The following SMG7 variants were observed in gnomAD, a reference collection of about 807,000 sequenced individuals.
The protein encoded by SMG7 is nonsense-mediated mRNA decay factor SMG7.
In SMG7, 34 loss-of-function variants were observed where a neutral mutation model predicts 148.2. That is an observed-to-expected ratio of 0.23 (90% CI 0.17 to 0.31). The LOEUF is 0.31. Among genes scored for constraint, SMG7 ranks in the 10% least tolerant of loss-of-function variants. The pLI, the probability that SMG7 is intolerant of heterozygous loss-of-function variation, is 1.00. For missense variants in SMG7, 1,114 were observed against 1,408.4 expected, an observed-to-expected ratio of 0.79 and a Z score of 3.35; for synonymous variants, 492 against 515.1, an observed-to-expected ratio of 0.96 and a Z score of 0.61.
intron 1 of SMG7, among the ~76,000 whole-genome samples, chr1:183,494,756 CTTTTTTTTTTTTTTTT>C (rs141159130): frequency 6.5e-5 from 1 of 15,278 alleles, no homozygotes; most frequent in Admixed American, 1.1e-3. Flanking sequence ...AGCCCTTGTT[CTTTTTTTTTTTTTTTT>C]TTTTTTTTTT....
chr1:183,553,342 T>C lies in SMG7; in HGVS notation c.*1411T>C, dbSNP rs1671352947. 2 of 920,062 alleles carry C rather than the reference T, an allele frequency of 2.2e-6. No individual in the cohort carries two copies. The highest frequency in any genetic ancestry group is 5.6e-5 in the Admixed American group (2 of 35,960). 57.0% of individuals were successfully genotyped at this position (920,062 alleles called of 1,614,324 possible). ...TTATGGAAACAATCTAATTGTTCAATTGCTGTGCTAGTGGTAGGGTTTATT... is the reference window on the plus strand; with the variant it reads ...TTATGGAAACAATCTAATTGTTCAACTGCTGTGCTAGTGGTAGGGTTTATT... On this transcript the variant is annotated 3_prime_UTR_variant, in exon 23 of 23. Coordinates refer to ENST00000688051, the MANE Select transcript of SMG7 (RefSeq NM_001375584.1).
chr1:183,551,697 T>C, intron 22 of SMG7, 121 bp from the exon 23 acceptor site: 1 of 583,106 alleles, frequency 1.7e-6, no homozygotes, highest in Non-Finnish European at 2.8e-6. Context: ...TGGATTTTTA[T>C]GGGGAGTGGG....
rs1671400069 is a variant in SMG7, at chr1:183,553,608, G to GCGCC, written c.*1678_*1679insGCCC. The GCGCC allele has an allele frequency of 7.8e-6, 1 of 128,298 alleles. No individual in the cohort carries two copies. Among genetic ancestry groups the GCGCC allele is most frequent in the African/African-American group, 2.7e-5 (1 of 36,670 alleles). The allele number at this position is 128,298 out of a possible 1,614,324, so 7.9% of individuals were successfully genotyped here. ...TTGCTCTTCAGAGAGAGTGGTTGGA[G>GCGCC]CCCCCCCCGCCCCGTATGCTTACAT... On this transcript the variant is annotated 3_prime_UTR_variant, in exon 23 of 23. Coordinates refer to ENST00000688051, the MANE Select transcript of SMG7 (RefSeq NM_001375584.1).
At chr1:183,510,112 T>C (rs995872102) in intron 1 of SMG7, among the ~76,000 whole-genome samples, 1 of 152,172 alleles carries the variant, frequency 6.6e-6, no homozygotes, top group Non-Finnish European at 1.5e-5. Flanking sequence ...GCAGTATATA[T>C]CCTGAACATA....
intron 1 of SMG7, among the ~76,000 whole-genome samples, chr1:183,477,007 G>A (rs1334944631): frequency 6.6e-6 from 1 of 152,038 alleles, no homozygotes; most frequent in Non-Finnish European, 1.5e-5. Context: ...TAAAATAATG[G>A]CATTTTGAAA....
chr1:183,553,377 G>GTC lies in SMG7; in HGVS notation c.*1451_*1452dup, dbSNP rs776523007. The GTC allele has an allele frequency of 2.0e-5, 14 of 702,902 alleles. No homozygotes were observed. The highest frequency in any genetic ancestry group is 1.6e-4 in the African/African-American group (9 of 55,756). The allele number at this position is 702,902 out of a possible 1,614,324, so 43.5% of individuals were successfully genotyped here. A position where few individuals can be genotyped will look rare whatever the true frequency, so the allele number is the denominator to read the frequency against. ...AGTGGTAGGGTTTATTTTCTGGGAG[G>GTC]TCTCTCCTTTGTGTGTCTGTATGTT... On this transcript the variant is annotated 3_prime_UTR_variant, in exon 23 of 23. Coordinates refer to ENST00000688051, the MANE Select transcript of SMG7 (RefSeq NM_001375584.1).
chr1:183,544,340 C>T lies in SMG7; in HGVS notation c.1843-13C>T. The T allele has an allele frequency of 6.2e-7, 1 of 1,611,570 alleles. No homozygotes were observed. The highest frequency in any genetic ancestry group is 8.5e-7 in the Non-Finnish European group (1 of 1,177,948). Reference sequence around the variant, plus strand: ...CAATTTATTATAGATAGTTTTGCTTCTATTGGTTACAGGTAAAATCCCAGA... The same window carrying T: ...CAATTTATTATAGATAGTTTTGCTTTTATTGGTTACAGGTAAAATCCCAGA... On this transcript the variant is annotated splice_polypyrimidine_tract_variant and intron_variant, in intron 14 of 22. Transcript: ENST00000688051.
chr1:183,551,879 A>G lies in SMG7; in HGVS notation c.3512A>G (p.Gln1171Arg). Residue 1171 changes from glutamine to arginine, a missense_variant, in exon 23 of 23, where the codon CAG becomes CGG. Gln to Arg is a conservative substitution (Grantham distance 43). Coordinates refer to ENST00000688051, the MANE Select transcript of SMG7 (RefSeq NM_001375584.1). ...GPSALEQLLM[Q>R]QKQKQQRGQG... ...TCTGCTCTGGAGCAGCTGTTAATGCAGCAGAAGCAGAAACAGCAACGGGGA... is the reference window on the plus strand; with the variant it reads ...TCTGCTCTGGAGCAGCTGTTAATGCGGCAGAAGCAGAAACAGCAACGGGGA... 1 of 1,613,868 alleles carries G rather than the reference A, an allele frequency of 6.2e-7. No individual in the cohort carries two copies. The highest frequency in any genetic ancestry group is 1.3e-5 in the African/African-American group (1 of 75,026).
At chr1:183,537,115 TAA>T in intron 10 of SMG7, 28 bp from the exon 11 acceptor site, 3 of 1,526,096 alleles carry the variant, frequency 2.0e-6, no homozygotes, top group Non-Finnish European at 2.7e-6. Flanking sequence ...TACATAAAAA[TAA>T]AGTCTGAACT....
At chr1:183,524,794 C>A (rs561106537) in intron 4 of SMG7, among the ~76,000 whole-genome samples, 18 of 152,204 alleles carry the variant, frequency 1.2e-4, no homozygotes, top group Admixed American at 2.0e-4. Context: ...TAAAGTGAGA[C>A]AAATTTATCA....
At chr1:183,522,176 A>T (rs1664910549) in intron 4 of SMG7, among the ~76,000 whole-genome samples, 1 of 152,204 alleles carries the variant, frequency 6.6e-6, no homozygotes, top group Non-Finnish European at 1.5e-5. Flanking sequence ...ATTAAAGTAG[A>T]TGCCTGTTTG....
intron 3 of SMG7, among the ~76,000 whole-genome samples, chr1:183,517,064 A>G (rs1448743979): frequency 1.3e-5 from 2 of 152,238 alleles, no homozygotes; most frequent in Non-Finnish European, 2.9e-5. Flanking sequence ...CTGATTCCAT[A>G]TATAACTAGA....
intron 1 of SMG7, among the ~76,000 whole-genome samples, chr1:183,475,394 C>A (rs548352226): frequency 7.9e-5 from 12 of 152,158 alleles, no homozygotes; most frequent in Middle Eastern, 3.4e-3. Flanking sequence ...ATAAGGTGAC[C>A]ATATTTAAGA....
At chr1:183,497,542 G>C (rs1195453098) in intron 1 of SMG7, among the ~76,000 whole-genome samples, 1 of 151,998 alleles carries the variant, frequency 6.6e-6, no homozygotes, top group African/African-American at 2.4e-5. Flanking sequence ...TCTGCATCTG[G>C]TTTAATTTGT....
intron 12 of SMG7, among the ~76,000 whole-genome samples, chr1:183,540,137 G>A (rs1335417015): frequency 6.6e-6 from 1 of 151,888 alleles, no homozygotes; most frequent in African/African-American, 2.4e-5. Flanking sequence ...TGTTCATGTT[G>A]TGCCTAGAAC....
chr1:183,505,266 A>C (rs74129805), intron 1 of SMG7, among the ~76,000 whole-genome samples: 1,679 of 152,312 alleles, frequency 0.011, 32 homozygotes, highest in African/African-American at 0.039. Context: ...TGGCAAGGCT[A>C]TCATTGACCC....
intron 1 of SMG7, among the ~76,000 whole-genome samples, chr1:183,502,813 A>C (rs1660036275): frequency 6.6e-6 from 1 of 152,192 alleles, no homozygotes; most frequent in African/African-American, 2.4e-5. Context: ...GTCAGCGTGG[A>C]TGCAATCAAG....
intron 1 of SMG7, among the ~76,000 whole-genome samples, chr1:183,504,387 C>A (rs1660431074): frequency 2.0e-5 from 3 of 152,076 alleles, no homozygotes; most frequent in Non-Finnish European, 4.4e-5. Flanking sequence ...GTTGTCCAGG[C>A]TGTAGTACAA....
chr1:183,495,135 T>C (rs548663782), intron 1 of SMG7, among the ~76,000 whole-genome samples: 2 of 152,064 alleles, frequency 1.3e-5, no homozygotes, highest in Non-Finnish European at 2.9e-5. Context: ...CCTCTTATTT[T>C]AATCCTTCTT....
Sources: gnomAD v4.1 joint callset for allele counts (sites outside exome capture counted in the v4.1 genomes callset) on GRCh38, gnomAD v4.1.1 for gene constraint, MANE v1.5 for transcripts, NCBI Gene and HGNC (gene_info 2026-07-23, HGNC 2026-07-21) for gene names.